The following SGCZ variants were observed in gnomAD, a reference collection of about 807,000 sequenced individuals.
The protein encoded by SGCZ is zeta-sarcoglycan.
SGCZ carries 40 observed loss-of-function variants against 41.3 expected under a neutral mutation model. The observed-to-expected ratio is 0.97, with a 90% CI of 0.75 to 1.26. The LOEUF (loss-of-function observed/expected upper bound fraction) is 1.26, where lower values mean the gene tolerates loss of function less well. Ranked by LOEUF, SGCZ falls within the 50% of genes most tolerant of loss-of-function variation. The probability of loss-of-function intolerance (pLI) is 0.00; values close to 1 mark genes in which losing one functional copy is unlikely to be tolerated. For missense variants in SGCZ, 552 were observed against 369.8 expected, an observed-to-expected ratio of 1.49 and a Z score of -4.04; for synonymous variants, 206 against 137.5, an observed-to-expected ratio of 1.50 and a Z score of -3.49.
intron 1 of SGCZ, among the ~76,000 whole-genome samples, chr8:14,726,591 T>G (rs1279600255): frequency 6.6e-6 from 1 of 151,794 alleles, no homozygotes; most frequent in African/African-American, 2.4e-5. Context: ...ACTCAACCAA[T>G]AAAAATAAAT....
intron 1 of SGCZ, among the ~76,000 whole-genome samples, chr8:15,228,296 C>T (rs73524829): frequency 0.092 from 14,031 of 152,208 alleles, 822 homozygotes; most frequent in African/African-American, 0.17. Context: ...GTATTTCACA[C>T]ACTGTAATTA....
chr8:15,147,160 T>C lies in SGCZ; in HGVS notation c.39+90425A>G, dbSNP rs191187452. ...GATATTAATACTGCTGGTAGAACAC[T>C]GGAAAACCTGCATCATCTAAAGCTC... On this transcript the variant is annotated intron_variant, in intron 1 of 7. Transcript: ENST00000382080. 4.2e-3 allele frequency among the ~76,000 whole-genome samples: 641 copies of C among 152,316 alleles called. 2 individuals are homozygous for C. Among genetic ancestry groups the C allele is most frequent in the Non-Finnish European group, 4.5e-3 (305 of 68,026 alleles).
At chr8:14,873,093 A>G (rs1416739360) in intron 1 of SGCZ, among the ~76,000 whole-genome samples, 2 of 152,168 alleles carry the variant, frequency 1.3e-5, no homozygotes, top group Non-Finnish European at 2.9e-5. Flanking sequence ...AACGATTTTA[A>G]TAACAGCAGT....
chr8:14,932,726 T>A (rs1438871819), intron 1 of SGCZ, among the ~76,000 whole-genome samples: 3 of 152,056 alleles, frequency 2.0e-5, no homozygotes, highest in Non-Finnish European at 2.9e-5. Context: ...TGTAATTTTT[T>A]AAAAAATTAA....
intron 1 of SGCZ, among the ~76,000 whole-genome samples, chr8:14,860,747 T>A (rs142275609): frequency 0.045 from 5,163 of 115,766 alleles, 266 homozygotes; most frequent in African/African-American, 0.15. Flanking sequence ...AGTAAGTAAG[T>A]AAGTGAGGGA....
chr8:14,406,594 C>T (rs559411598), intron 2 of SGCZ, among the ~76,000 whole-genome samples: 1 of 152,138 alleles, frequency 6.6e-6, no homozygotes, highest in African/African-American at 2.4e-5. Context: ...AGGTGGGGCT[C>T]GGGCACTAGA....
intron 1 of SGCZ, among the ~76,000 whole-genome samples, chr8:15,205,923 G>C (rs1228394657): frequency 1.3e-5 from 2 of 152,182 alleles, no homozygotes; most frequent in African/African-American, 2.4e-5. Flanking sequence ...GAATGAAATT[G>C]TGTCTTTTGT....
intron 1 of SGCZ, among the ~76,000 whole-genome samples, chr8:15,230,216 C>T (rs1169257789): frequency 6.6e-6 from 1 of 150,584 alleles, no homozygotes; most frequent in Non-Finnish European, 1.5e-5. Context: ...TAATGTGAAC[C>T]ACTACTTTGC....
intron 2 of SGCZ, among the ~76,000 whole-genome samples, chr8:14,501,050 G>C (rs147728485): frequency 1.3e-5 from 2 of 151,930 alleles, no homozygotes; most frequent in East Asian, 3.9e-4. Context: ...ATCCTCAATG[G>C]GTCAAAATCA....
intron 7 of SGCZ, among the ~76,000 whole-genome samples, chr8:14,102,085 T>G (rs28590481): frequency 5.6e-5 from 7 of 124,442 alleles, no homozygotes; most frequent in African/African-American, 2.0e-4. Context: ...TTTATATATA[T>G]ATATATATAT....
intron 1 of SGCZ, among the ~76,000 whole-genome samples, chr8:15,194,437 T>C (rs574335163): frequency 6.6e-6 from 1 of 152,302 alleles, no homozygotes; most frequent in South Asian, 2.1e-4. Context: ...CATGCCATGA[T>C]GCCTATGTCT....
intron 2 of SGCZ, among the ~76,000 whole-genome samples, chr8:14,398,084 T>G (rs761737177): frequency 6.6e-6 from 1 of 152,094 alleles, no homozygotes; most frequent in Admixed American, 6.6e-5. Context: ...GGACCCTTTT[T>G]GTGACCCTCA....
At chr8:14,896,836 A>G (rs1384421610) in intron 1 of SGCZ, among the ~76,000 whole-genome samples, 1 of 150,584 alleles carries the variant, frequency 6.6e-6, no homozygotes, top group Non-Finnish European at 1.5e-5. Flanking sequence ...TCTGGAGTGC[A>G]GTGGTGTGAA....
rs1403663665 is a variant in SGCZ, at chr8:14,702,778, T to TAGATAGAC, written c.40-147853_40-147852insGTCTATCT. On this transcript the variant is annotated intron_variant, in intron 1 of 7. Coordinates refer to ENST00000382080, the MANE Select transcript of SGCZ (RefSeq NM_139167.4). ...ATAGATAGATAGATAGATAGATAGA[T>TAGATAGAC]AGACAGACAGACAGGCAGACAGGTA... 5.9e-4 allele frequency among the ~76,000 whole-genome samples: 68 copies of TAGATAGAC among 115,186 alleles called. 1 individual carries two copies. The highest frequency in any genetic ancestry group is 4.6e-3 in the Middle Eastern group (1 of 216). 75.6% of individuals were successfully genotyped at this position (115,186 alleles called of 152,430 possible). A position where few individuals can be genotyped will look rare whatever the true frequency, so the allele number is the denominator to read the frequency against.
chr8:14,790,613 C>G (rs1191040665), intron 1 of SGCZ, among the ~76,000 whole-genome samples: 1 of 152,056 alleles, frequency 6.6e-6, no homozygotes, highest in Admixed American at 6.6e-5. Flanking sequence ...AAGAAACAAA[C>G]ATAATATCCA....
chr8:14,623,998 A>C (rs1806366974), intron 1 of SGCZ, among the ~76,000 whole-genome samples: 1 of 152,146 alleles, frequency 6.6e-6, no homozygotes, highest in African/African-American at 2.4e-5. Context: ...TAACTGATTC[A>C]GGTATAAAGT....
intron 1 of SGCZ, among the ~76,000 whole-genome samples, chr8:15,089,009 T>C (rs1246998209): frequency 6.6e-6 from 1 of 152,180 alleles, no homozygotes; most frequent in Non-Finnish European, 1.5e-5. Flanking sequence ...TTAACTAAAC[T>C]TATTTGCATA....
intron 1 of SGCZ, among the ~76,000 whole-genome samples, chr8:15,151,800 T>G (rs1799187440): frequency 6.6e-6 from 1 of 152,184 alleles, no homozygotes. Context: ...AATGAATGAA[T>G]TTTCCAACAG....
At chr8:14,825,032 A>G (rs527828305) in intron 1 of SGCZ, among the ~76,000 whole-genome samples, 2 of 152,258 alleles carry the variant, frequency 1.3e-5, no homozygotes, top group African/African-American at 4.8e-5. Flanking sequence ...TTCCCACACT[A>G]TACTAAACTG....
Sources: allele counts gnomAD v4.1 joint callset (sites outside exome capture counted in the v4.1 genomes callset), GRCh38; gene constraint gnomAD v4.1.1; transcripts MANE v1.5; gene names NCBI Gene and HGNC (gene_info 2026-07-23, HGNC 2026-07-21).